Variants in ZNF385B observed in about 807,000 individuals in gnomAD.
ZNF385B encodes zinc finger protein 533.
In ZNF385B, 23 loss-of-function variants were observed where a neutral mutation model predicts 39.2. That is an observed-to-expected ratio of 0.59 (90% CI 0.42 to 0.83). The LOEUF (loss-of-function observed/expected upper bound fraction) is 0.83. Ranked by LOEUF, ZNF385B falls within the 40% of genes least tolerant of loss-of-function variation. The pLI, the probability that ZNF385B is intolerant of heterozygous loss-of-function variation, is 0.00. For missense variants in ZNF385B, 552 were observed against 598.9 expected, an observed-to-expected ratio of 0.92 and a Z score of 0.82; for synonymous variants, 205 against 222.6, an observed-to-expected ratio of 0.92 and a Z score of 0.70.
At chr2:179,747,542 A>C (rs1327691602) in intron 3 of ZNF385B, among the ~76,000 whole-genome samples, 1 of 152,068 alleles carries the variant, frequency 6.6e-6, no homozygotes, top group African/African-American at 2.4e-5. Flanking sequence ...CTCACCCAAC[A>C]CACACATAAA....
intron 1 of ZNF385B, among the ~76,000 whole-genome samples, chr2:179,839,368 A>C (rs1345155070): frequency 1.3e-5 from 2 of 152,200 alleles, no homozygotes; most frequent in Admixed American, 1.3e-4. Context: ...AATTTTTATT[A>C]GTCAATGGAT....
At chr2:179,773,337 G>A (rs962766270) in intron 1 of ZNF385B, among the ~76,000 whole-genome samples, 17 of 152,172 alleles carry the variant, frequency 1.1e-4, no homozygotes, top group Non-Finnish European at 1.8e-4. Flanking sequence ...CAAGTCAATC[G>A]GTTTTATCCA....
intron 3 of ZNF385B, among the ~76,000 whole-genome samples, chr2:179,663,814 C>T (rs773400611): frequency 2.2e-4 from 33 of 151,632 alleles, no homozygotes; most frequent in Non-Finnish European, 4.4e-4. Flanking sequence ...CGTCAGGCAT[C>T]CTTCCGGGGA....
chr2:179,745,772 A>T, intron 3 of ZNF385B: 1 of 1,532,658 alleles, frequency 6.5e-7, no homozygotes, highest in Non-Finnish European at 8.8e-7. Context: ...AAGAGCAACC[A>T]AGTTGGATAA....
intron 3 of ZNF385B, among the ~76,000 whole-genome samples, chr2:179,678,362 C>T (rs567855253): frequency 1.3e-5 from 2 of 152,204 alleles, no homozygotes; most frequent in Admixed American, 1.3e-4. Flanking sequence ...CCTATATTTC[C>T]CAGCCTCTCT....
At chr2:179,765,438 G>A (rs1340519202) in intron 3 of ZNF385B, among the ~76,000 whole-genome samples, 2 of 152,142 alleles carry the variant, frequency 1.3e-5, no homozygotes, top group Non-Finnish European at 2.9e-5. Context: ...ATGGTTCCAG[G>A]GCTCAGGTAG....
intron 5 of ZNF385B, among the ~76,000 whole-genome samples, chr2:179,513,658 C>T (rs748930076): frequency 7.2e-5 from 11 of 152,134 alleles, no homozygotes; most frequent in African/African-American, 1.2e-4. Context: ...ACTTGTAAGA[C>T]GGAGATGTTT....
chr2:179,800,670 G>A (rs1385665775), intron 1 of ZNF385B, among the ~76,000 whole-genome samples: 1 of 152,008 alleles, frequency 6.6e-6, no homozygotes. Flanking sequence ...CACTGGGGGA[G>A]GAAGAGCAGA....
chr2:179,638,940 CAGGGT>C (rs1273785173), intron 3 of ZNF385B, among the ~76,000 whole-genome samples: 41 of 152,000 alleles, frequency 2.7e-4, no homozygotes, highest in African/African-American at 8.7e-4. Flanking sequence ...GGGAAATGGT[CAGGGT>C]CAGTGGCTCA....
chr2:179,673,813 T>C (rs1559070790), intron 3 of ZNF385B, among the ~76,000 whole-genome samples: 1 of 152,272 alleles, frequency 6.6e-6, no homozygotes, highest in Non-Finnish European at 1.5e-5. Context: ...TACTATTTCA[T>C]AACTTTTTAA....
chr2:179,544,630 G>T (rs2060116111), intron 4 of ZNF385B, among the ~76,000 whole-genome samples, 197 bp downstream of exon 4: 1 of 152,228 alleles, frequency 6.6e-6, no homozygotes, highest in Admixed American at 6.5e-5. Flanking sequence ...GGAAATATTT[G>T]TATAATAAAC....
At chr2:179,514,204 T>C (rs2057912438) in intron 5 of ZNF385B, 1 of 152,660 alleles carries the variant, frequency 6.6e-6, no homozygotes, top group Non-Finnish European at 1.5e-5. Context: ...TTCCAGCTTC[T>C]AGAGGTTGCC....
At chr2:179,557,560 TTATATATGTATGTTATATA>T (rs2061006711) in intron 3 of ZNF385B, among the ~76,000 whole-genome samples, 1 of 105,128 alleles carries the variant, frequency 9.5e-6, no homozygotes. Context: ...TATATACATG[TTATATATGTATGTTATATA>T]CATGTATATA....
At chr2:179,671,748 T>A (rs1696033652) in intron 3 of ZNF385B, among the ~76,000 whole-genome samples, 1 of 152,170 alleles carries the variant, frequency 6.6e-6, no homozygotes, top group Admixed American at 6.5e-5. Context: ...CTGAACTCCA[T>A]CCTATGTTCC....
At chr2:179,858,830 C>G (rs761155718) in intron 1 of ZNF385B, among the ~76,000 whole-genome samples, 3 of 152,264 alleles carry the variant, frequency 2.0e-5, no homozygotes, top group Non-Finnish European at 2.9e-5. Context: ...AAGACTCACT[C>G]CTGTAAGAAG....
At chr2:179,817,588 C>T (rs552013239) in intron 1 of ZNF385B, among the ~76,000 whole-genome samples, 62 of 152,166 alleles carry the variant, frequency 4.1e-4, no homozygotes, top group African/African-American at 1.4e-3. Context: ...AGTCAGAGGT[C>T]AGCAACAAAA....
chr2:179,756,280 TTTTC>T (rs1275960828), intron 3 of ZNF385B, among the ~76,000 whole-genome samples: 1 of 152,242 alleles, frequency 6.6e-6, no homozygotes, highest in Non-Finnish European at 1.5e-5. Flanking sequence ...TTGAAAATTC[TTTTC>T]TTTAAGAATG....
At chr2:179,683,722 C>T (rs1454990958) in intron 3 of ZNF385B, among the ~76,000 whole-genome samples, 1 of 152,086 alleles carries the variant, frequency 6.6e-6, no homozygotes, top group Non-Finnish European at 1.5e-5. Context: ...GTGATCCACC[C>T]GCCTCGGCCT....
intron 1 of ZNF385B, among the ~76,000 whole-genome samples, chr2:179,782,031 A>G (rs907923208): frequency 1.3e-5 from 2 of 152,190 alleles, no homozygotes; most frequent in African/African-American, 4.8e-5. Context: ...ACATACACAG[A>G]AAAGGAAACT....
Sources: gnomAD v4.1 joint callset for allele counts (sites outside exome capture counted in the v4.1 genomes callset) on GRCh38, gnomAD v4.1.1 for gene constraint, MANE v1.5 for transcripts, NCBI Gene and HGNC (gene_info 2026-07-23, HGNC 2026-07-21) for gene names.